Variants in ARHGAP28 observed in about 807,000 individuals in gnomAD.
ARHGAP28 encodes rho GTPase-activating protein 28.
In ARHGAP28, 56 loss-of-function variants were observed where a neutral mutation model predicts 90.7. That is an observed-to-expected ratio of 0.62 (90% CI 0.50 to 0.77). The LOEUF (loss-of-function observed/expected upper bound fraction) is 0.77. Ranked by LOEUF, ARHGAP28 falls within the 30% of genes least tolerant of loss-of-function variation. The pLI, the probability that ARHGAP28 is intolerant of heterozygous loss-of-function variation, is 0.00. For missense variants in ARHGAP28, 869 were observed against 900.9 expected (o/e 0.96, Z 0.45); for synonymous variants, 308 against 323.3 (o/e 0.95, Z 0.51).
At position 6,868,226 on chromosome 18, in the gene ARHGAP28, C is replaced by T. The variant is rs148484875; in HGVS notation, c.803C>T (p.Ala268Val). 92 of 1,613,774 alleles carry T rather than the reference C, an allele frequency of 5.7e-5. 1 individual carries two copies. Among genetic ancestry groups the T allele is most frequent in the African/African-American group, 5.2e-4 (39 of 74,904 alleles). The stretch of plus-strand genomic sequence containing the variant: ...GAGCCTGGACAGCCAGTTCAGAATG[C>T]GATAAGTGGTGAGCGGCATGCCTCC... ...SPEPGQPVQN[A>V]ISDDDFLEKN... Residue 268 changes from alanine (A) to valine (V), a missense_variant, in exon 6 of 18, where the codon GCG becomes GTG. By Grantham distance (64) the Ala-to-Val change is moderately conservative. Transcript: ENST00000383472.
chr18:6,906,404 C>T (rs772409438), intron 16 of ARHGAP28, among the ~76,000 whole-genome samples: 1 of 152,174 alleles, frequency 6.6e-6, no homozygotes, highest in Non-Finnish European at 1.5e-5. Flanking sequence ...TCTCATCCCA[C>T]ACTGAGACTC....
intron 3 of ARHGAP28, among the ~76,000 whole-genome samples, chr18:6,847,387 T>C (rs2143201456): frequency 6.6e-6 from 1 of 152,140 alleles, no homozygotes; most frequent in East Asian, 1.9e-4. Context: ...AGAGGAAAAA[T>C]ATATGGTGAG....
At chr18:6,839,292 A>ATTTT (rs368008575) in intron 3 of ARHGAP28, among the ~76,000 whole-genome samples, 24 of 133,946 alleles carry the variant, frequency 1.8e-4, no homozygotes, top group Non-Finnish European at 2.7e-4. Context: ...AACCAGCATA[A>ATTTT]TTTTTTTTTT....
chr18:6,841,152 C>CT (rs1369547091), intron 3 of ARHGAP28, among the ~76,000 whole-genome samples: 4 of 112,322 alleles, frequency 3.6e-5, no homozygotes, highest in African/African-American at 1.0e-4. Context: ...CTGTCTCTCT[C>CT]CTCTTTCTCT....
chr18:6,732,549 C>T (rs2055891148), intron 1 of ARHGAP28, among the ~76,000 whole-genome samples: 1 of 152,230 alleles, frequency 6.6e-6, no homozygotes, highest in Non-Finnish European at 1.5e-5. Context: ...CTGCTGCCTG[C>T]CATCCCTAGC....
chr18:6,834,059 A>T (rs1159965964), intron 2 of ARHGAP28, among the ~76,000 whole-genome samples: 1 of 152,090 alleles, frequency 6.6e-6, no homozygotes, highest in Non-Finnish European at 1.5e-5. Context: ...TTATGAGTCC[A>T]GTCAAGTTAA....
chr18:6,787,574 C>T (rs1173145503), intron 1 of ARHGAP28, among the ~76,000 whole-genome samples: 3 of 152,150 alleles, frequency 2.0e-5, no homozygotes, highest in Admixed American at 6.5e-5. Flanking sequence ...TCGTTTTTAT[C>T]TAAGACAATA....
At chr18:6,910,945 C>G (rs1191536931) in intron 17 of ARHGAP28, among the ~76,000 whole-genome samples, 2 of 151,596 alleles carry the variant, frequency 1.3e-5, no homozygotes, top group Non-Finnish European at 2.9e-5. Context: ...CCCGGGTTCA[C>G]GCCATTCTCC....
At chr18:6,860,464 T>G (rs1331585253) in intron 5 of ARHGAP28, among the ~76,000 whole-genome samples, 1 of 152,204 alleles carries the variant, frequency 6.6e-6, no homozygotes, top group African/African-American at 2.4e-5. Context: ...CCATTCATTG[T>G]CTCTGAGCAG....
chr18:6,870,564 G>A (rs377267124), intron 6 of ARHGAP28, 26 bp from the exon 7 acceptor site: 23 of 1,580,280 alleles, frequency 1.5e-5, no homozygotes, highest in Middle Eastern at 3.3e-4. Context: ...ATATTAAATA[G>A]TCTGTATTCT....
intron 16 of ARHGAP28, among the ~76,000 whole-genome samples, chr18:6,908,429 G>A (rs781216606): frequency 6.6e-6 from 1 of 152,110 alleles, no homozygotes; most frequent in Non-Finnish European, 1.5e-5. Flanking sequence ...ATGAGCCACC[G>A]TGTCCGGCCG....
At chr18:6,872,402 A>G (rs914445118) in intron 7 of ARHGAP28, among the ~76,000 whole-genome samples, 1 of 152,212 alleles carries the variant, frequency 6.6e-6, no homozygotes, top group Non-Finnish European at 1.5e-5. Flanking sequence ...TCATTTTTAA[A>G]TTCTTGAGGT....
At chr18:6,781,189 G>A (rs2143480508) in intron 1 of ARHGAP28, among the ~76,000 whole-genome samples, 1 of 152,288 alleles carries the variant, frequency 6.6e-6, no homozygotes, top group South Asian at 2.1e-4. Flanking sequence ...GAGGCAGTCG[G>A]GACAGTCAGG....
chr18:6,870,629 A>G lies in ARHGAP28; in HGVS notation c.851A>G (p.Glu284Gly). The stretch of plus-strand genomic sequence containing the variant: ...GAAAAGAACATTCCACCAGAGGCTG[A>G]AGAGCTGTCATTTGAAGTGTCTTAT... ...FLEKNIPPEAEELSFEVSYSE... is the reference protein window; with the variant it reads ...FLEKNIPPEAGELSFEVSYSE... Residue 284 changes from glutamate (E) to glycine (G), a missense_variant, in exon 7 of 18, where the codon GAA (glutamate) becomes GGA (glycine). Physicochemically the swap from Glu to Gly is moderately conservative, Grantham distance 98 (BLOSUM62 -2). Transcript: ENST00000383472. 6.2e-7 allele frequency: 1 copy of G among 1,613,098 alleles called. No homozygotes were observed. The highest frequency in any genetic ancestry group is 8.5e-7 in the Non-Finnish European group (1 of 1,179,420).
At chr18:6,744,656 GT>G (rs888216886) in intron 1 of ARHGAP28, among the ~76,000 whole-genome samples, 1 of 152,128 alleles carries the variant, frequency 6.6e-6, no homozygotes, top group African/African-American at 2.4e-5. Context: ...ATTACTCAAA[GT>G]GGAGCTTGGT....
intron 1 of ARHGAP28, among the ~76,000 whole-genome samples, chr18:6,742,539 G>A (rs1268309246): frequency 6.6e-6 from 1 of 152,164 alleles, no homozygotes; most frequent in African/African-American, 2.4e-5. Context: ...GCAGATTGTG[G>A]ATGGGGAGAC....
intron 1 of ARHGAP28, among the ~76,000 whole-genome samples, chr18:6,793,915 GGA>G (rs2056423470): frequency 6.6e-6 from 1 of 152,110 alleles, no homozygotes; most frequent in Non-Finnish European, 1.5e-5. Flanking sequence ...GGTATGAAGA[GGA>G]GAGAGAGGTT....
At chr18:6,838,832 G>T (rs558137796) in intron 3 of ARHGAP28, among the ~76,000 whole-genome samples, 1 of 152,290 alleles carries the variant, frequency 6.6e-6, no homozygotes, top group Non-Finnish European at 1.5e-5. Context: ...GTCTACAGCT[G>T]TAACTGAGTA....
At chr18:6,848,635 C>T (rs566134299) in intron 3 of ARHGAP28, among the ~76,000 whole-genome samples, 5 of 152,308 alleles carry the variant, frequency 3.3e-5, no homozygotes, top group African/African-American at 1.2e-4. Flanking sequence ...GATTTTACAT[C>T]GGCCAAAGGG....
Sources: allele counts gnomAD v4.1 joint callset (sites outside exome capture counted in the v4.1 genomes callset), GRCh38; gene constraint gnomAD v4.1.1; transcripts MANE v1.5; gene names NCBI Gene and HGNC (gene_info 2026-07-23, HGNC 2026-07-21).